Variants in GPC6 observed in about 807,000 individuals in gnomAD.
GPC6 encodes the protein glypican 6, also known as glypican-6.
Under a neutral mutation model 55.2 loss-of-function variants are expected in GPC6, and 14 were observed. That is an observed-to-expected ratio of 0.25 (90% confidence interval 0.17 to 0.40). The LOEUF (loss-of-function observed/expected upper bound fraction) is 0.40. Ranked by LOEUF, GPC6 falls within the 10% of genes least tolerant of loss-of-function variation. The probability of loss-of-function intolerance (pLI) is 1.00; values close to 1 mark genes in which losing one functional copy is unlikely to be tolerated. For missense variants in GPC6, 641 were observed against 708.5 expected, an observed-to-expected ratio of 0.90 and a Z score of 1.08; for synonymous variants, 278 against 259.6, an observed-to-expected ratio of 1.07 and a Z score of -0.68.
At chr13:94,036,616 G>A (rs1484243937) in intron 4 of GPC6, among the ~76,000 whole-genome samples, 1 of 151,918 alleles carries the variant, frequency 6.6e-6, no homozygotes, top group African/African-American at 2.4e-5. Context: ...AATTCTACTG[G>A]GTGAAATGAG....
At chr13:94,102,662 T>C (rs1885909477) in intron 4 of GPC6, among the ~76,000 whole-genome samples, 1 of 152,134 alleles carries the variant, frequency 6.6e-6, no homozygotes, top group Non-Finnish European at 1.5e-5. Flanking sequence ...GCTTTGTGTG[T>C]CTATTTAGGA....
At chr13:94,266,634 C>T (rs988703366) in intron 4 of GPC6, among the ~76,000 whole-genome samples, 2 of 152,118 alleles carry the variant, frequency 1.3e-5, no homozygotes, top group Non-Finnish European at 2.9e-5. Context: ...TCCCCTTTCC[C>T]TGCCCGGACT....
chr13:94,255,140 A>C (rs1161990951), intron 4 of GPC6, among the ~76,000 whole-genome samples: 1 of 152,190 alleles, frequency 6.6e-6, no homozygotes, highest in African/African-American at 2.4e-5. Flanking sequence ...AGCCATGTCC[A>C]AGCTGGAAAA....
intron 4 of GPC6, among the ~76,000 whole-genome samples, chr13:94,253,305 G>A (rs1891413663): frequency 2.6e-5 from 4 of 152,078 alleles, no homozygotes; most frequent in Admixed American, 2.6e-4. Flanking sequence ...GATTGTAAGT[G>A]ACTATCTTCC....
At chr13:94,161,909 T>C (rs1566484520) in intron 4 of GPC6, among the ~76,000 whole-genome samples, 1 of 151,974 alleles carries the variant, frequency 6.6e-6, no homozygotes, top group Non-Finnish European at 1.5e-5. Context: ...CAAAGGCATG[T>C]CTTACATGGC....
rs146194962 is a variant in GPC6, at chr13:93,653,885, G to A, written c.319+108464G>A. On this transcript the variant is annotated intron_variant, in intron 2 of 8. Coordinates refer to ENST00000377047, the MANE Select transcript of GPC6 (RefSeq NM_005708.5). Reference sequence around the variant, plus strand: ...AATAAGGCATTTTAAATTTGGATAGGCCATTGTGAGACAGTTCTCTAGTCA... The same window carrying A: ...AATAAGGCATTTTAAATTTGGATAGACCATTGTGAGACAGTTCTCTAGTCA... Among the ~76,000 whole-genome samples, 567 of 152,114 alleles carry A rather than the reference G, an allele frequency of 3.7e-3. 2 individuals carry two copies. Among genetic ancestry groups the A allele is most frequent in the Non-Finnish European group, 6.8e-3 (464 of 67,998 alleles).
chr13:93,721,287 C>T (rs951164761), intron 2 of GPC6, among the ~76,000 whole-genome samples: 10 of 151,726 alleles, frequency 6.6e-5, no homozygotes, highest in Admixed American at 2.0e-4. Flanking sequence ...TTGAATTGAT[C>T]CCTTTACCAT....
chr13:93,514,343 G>C (rs573555142), intron 1 of GPC6, among the ~76,000 whole-genome samples: 24 of 152,182 alleles, frequency 1.6e-4, no homozygotes, highest in South Asian at 6.2e-4. Context: ...CAGTTTTGCG[G>C]TCTATTTTAC....
chr13:93,908,083 GGA>G (rs956502169), intron 3 of GPC6, among the ~76,000 whole-genome samples: 1 of 151,848 alleles, frequency 6.6e-6, no homozygotes, highest in African/African-American at 2.4e-5. Context: ...AATTAAAAAA[GGA>G]GAGAGAGAGA....
chr13:93,626,271 A>G (rs887210197), intron 2 of GPC6, among the ~76,000 whole-genome samples: 2 of 152,194 alleles, frequency 1.3e-5, no homozygotes, highest in Admixed American at 6.5e-5. Flanking sequence ...CAGAATTATT[A>G]AGGATTTCAA....
intron 3 of GPC6, among the ~76,000 whole-genome samples, chr13:93,952,847 T>TATATAC (rs1257754931): frequency 7.1e-6 from 1 of 141,166 alleles, no homozygotes; most frequent in Non-Finnish European, 1.5e-5. Context: ...ATCACACATA[T>TATATAC]ATATACGTAT....
chr13:93,473,557 G>A (rs1879202209), intron 1 of GPC6, among the ~76,000 whole-genome samples: 1 of 152,222 alleles, frequency 6.6e-6, no homozygotes, highest in African/African-American at 2.4e-5. Flanking sequence ...ACCTGCACAT[G>A]GGAAGGCAGT....
chr13:93,692,985 C>A (rs1197865264), intron 2 of GPC6, among the ~76,000 whole-genome samples: 1 of 151,882 alleles, frequency 6.6e-6, no homozygotes, highest in East Asian at 1.9e-4. Context: ...TCCATAAATT[C>A]TATTGAACTA....
chr13:93,358,172 C>T (rs993958893), intron 1 of GPC6, among the ~76,000 whole-genome samples: 8 of 152,162 alleles, frequency 5.3e-5, no homozygotes, highest in South Asian at 2.1e-4. Context: ...CATAGCAAGA[C>T]GCTGTCTCTA....
intron 3 of GPC6, among the ~76,000 whole-genome samples, chr13:93,979,555 G>T (rs1186663158): frequency 3.3e-5 from 5 of 151,880 alleles, no homozygotes; most frequent in Non-Finnish European, 7.4e-5. Context: ...ACTAGTCCAT[G>T]ACAAATTAAG....
chr13:93,262,462 C>T (rs1461833035), intron 1 of GPC6, among the ~76,000 whole-genome samples: 1 of 152,126 alleles, frequency 6.6e-6, no homozygotes, highest in Non-Finnish European at 1.5e-5. Context: ...TTCCACATGT[C>T]TCATTTTCAA....
chr13:93,327,759 T>C (rs201734049), intron 1 of GPC6, among the ~76,000 whole-genome samples: 1 of 144,734 alleles, frequency 6.9e-6, no homozygotes. Flanking sequence ...AAATTATATA[T>C]AATATATATA....
chr13:94,014,237 C>A (rs1483002882), intron 3 of GPC6, among the ~76,000 whole-genome samples: 9 of 152,098 alleles, frequency 5.9e-5, no homozygotes, highest in African/African-American at 2.2e-4. Context: ...CTCCACCAAC[C>A]ACCATTAGCA....
In GPC6 at chr13:94,205,937, T is replaced by C. The variant is rs373803108; in HGVS notation, c.878-80412T>C. Reference sequence around the variant, plus strand: ...GTTTGGCAGTGCCTGGAGACATTACTGATCCTCACATTTGTGTGTAGGGTG... The same window carrying C: ...GTTTGGCAGTGCCTGGAGACATTACCGATCCTCACATTTGTGTGTAGGGTG... On this transcript the variant is annotated intron_variant, in intron 4 of 8. Transcript: ENST00000377047. 1.4e-4 allele frequency among the ~76,000 whole-genome samples: 22 copies of C among 152,300 alleles called. No homozygotes were observed. In the East Asian group the frequency reaches 3.1e-3, roughly 21 times the overall value.
Sources: allele counts gnomAD v4.1 joint callset (sites outside exome capture counted in the v4.1 genomes callset), GRCh38; gene constraint gnomAD v4.1.1; transcripts MANE v1.5; gene names NCBI Gene and HGNC (gene_info 2026-07-23, HGNC 2026-07-21).